Variants in RFC3 observed in about 807,000 individuals in gnomAD.
RFC3 encodes the protein replication factor C subunit 3.
A neutral mutation model predicts 45.1 loss-of-function variants in RFC3; 41 were observed. The observed-to-expected ratio is 0.91, with a 90% CI of 0.71 to 1.18. The LOEUF is 1.18. RFC3 is among the 50% of genes most tolerant of loss of function. The pLI is 0.00. For missense variants in RFC3, 423 were observed against 428.1 expected (o/e 0.99, Z 0.10); for synonymous variants, 149 against 144.0 (o/e 1.03, Z -0.25).
At chr13:33,918,381 G>C (rs1180968019) in intron 8 of RFC3, among the ~76,000 whole-genome samples, 2 of 152,194 alleles carry the variant, frequency 1.3e-5, no homozygotes, top group South Asian at 4.1e-4. Flanking sequence ...ATGGCCCCTG[G>C]CTGGCTGTGG....
intron 8 of RFC3, among the ~76,000 whole-genome samples, chr13:33,941,888 T>C (rs191068447): frequency 1.3e-5 from 2 of 152,302 alleles, no homozygotes; most frequent in Non-Finnish European, 1.5e-5. Flanking sequence ...TTTTAGAATT[T>C]TTAAATATCT....
intron 1 of RFC3, among the ~76,000 whole-genome samples, chr13:33,820,458 T>C (rs1042366665): frequency 3.9e-5 from 6 of 152,238 alleles, no homozygotes; most frequent in African/African-American, 1.4e-4. Flanking sequence ...TTTGGGTGGG[T>C]TAACACTCTG....
At chr13:33,941,102 T>C (rs2082921280) in intron 8 of RFC3, among the ~76,000 whole-genome samples, 1 of 152,036 alleles carries the variant, frequency 6.6e-6, no homozygotes, top group Admixed American at 6.6e-5. Context: ...CTGAGGGAAG[T>C]GGATGGAGCT....
chr13:33,894,228 G>A (rs1047864411), intron 8 of RFC3, among the ~76,000 whole-genome samples: 5 of 152,148 alleles, frequency 3.3e-5, no homozygotes, highest in African/African-American at 1.2e-4. Context: ...ACCTCCACTG[G>A]GTAGCCTGGC....
chr13:33,920,559 G>A (rs1015577713), intron 8 of RFC3, among the ~76,000 whole-genome samples: 7 of 151,064 alleles, frequency 4.6e-5, no homozygotes, highest in Admixed American at 4.0e-4. Context: ...CTCCTAAGTA[G>A]CTGGGACCAC....
chr13:33,842,147 G>A (rs540245660), downstream of RFC3, among the ~76,000 whole-genome samples: 3 of 152,088 alleles, frequency 2.0e-5, no homozygotes, highest in African/African-American at 7.2e-5. Flanking sequence ...AATTAGCTGG[G>A]TGTAGTGGTA....
chr13:33,863,096 G>A (rs2082351739), intron 8 of RFC3, among the ~76,000 whole-genome samples: 1 of 152,208 alleles, frequency 6.6e-6, no homozygotes, highest in African/African-American at 2.4e-5. Context: ...GCATGATTTT[G>A]TACCTAGAAG....
chr13:33,838,760 C>T (rs2082176218), downstream of RFC3, among the ~76,000 whole-genome samples: 1 of 152,132 alleles, frequency 6.6e-6, no homozygotes, highest in Non-Finnish European at 1.5e-5. Context: ...GCTTTTTCTC[C>T]TGTGTACTGT....
intron 8 of RFC3, among the ~76,000 whole-genome samples, chr13:33,871,599 A>G (rs944435686): frequency 6.6e-6 from 1 of 152,174 alleles, no homozygotes; most frequent in African/African-American, 2.4e-5. Context: ...GTAGGGTGAC[A>G]TATTCACAGG....
At chr13:33,843,636 T>C (rs1341339766) in intron 8 of RFC3, among the ~76,000 whole-genome samples, 1 of 152,194 alleles carries the variant, frequency 6.6e-6, no homozygotes, top group Non-Finnish European at 1.5e-5. Context: ...ACAGGCATTC[T>C]CTCATTTAAT....
intron 8 of RFC3, among the ~76,000 whole-genome samples, chr13:33,891,314 A>G (rs761174504): frequency 6.2e-4 from 94 of 152,258 alleles, no homozygotes; most frequent in Admixed American, 1.1e-3. Context: ...CATTCTTTTT[A>G]TTCATATGCA....
chr13:33,884,272 G>C (rs896428137), intron 8 of RFC3, among the ~76,000 whole-genome samples: 1 of 152,154 alleles, frequency 6.6e-6, no homozygotes, highest in African/African-American at 2.4e-5. Context: ...TGGGTTCTGC[G>C]CTGACCAAAG....
intron 7 of RFC3, among the ~76,000 whole-genome samples, chr13:33,833,846 C>T (rs970918693): frequency 6.6e-6 from 1 of 152,058 alleles, no homozygotes; most frequent in East Asian, 1.9e-4. Context: ...GGAAGCCTGA[C>T]CTGTCTGAAC....
At chr13:33,916,840 G>A (rs72621259) in intron 8 of RFC3, among the ~76,000 whole-genome samples, 10,877 of 151,424 alleles carry the variant, frequency 0.072, 640 homozygotes, top group African/African-American at 0.16. Flanking sequence ...GTATGTATGT[G>A]CACTAAATGT....
intron 8 of RFC3, among the ~76,000 whole-genome samples, chr13:33,893,954 T>C (rs1260535099): frequency 6.6e-6 from 1 of 152,028 alleles, no homozygotes; most frequent in Non-Finnish European, 1.5e-5. Flanking sequence ...AGAAAGGTTA[T>C]TGAAAGGAAA....
chr13:33,944,328 G>A (rs762566129), intron 8 of RFC3, among the ~76,000 whole-genome samples: 7 of 152,200 alleles, frequency 4.6e-5, no homozygotes, highest in Non-Finnish European at 8.8e-5. Context: ...AAAGTGAGCA[G>A]CTATGCCATT....
intron 8 of RFC3, among the ~76,000 whole-genome samples, chr13:33,920,039 G>A (rs2082758134): frequency 6.6e-6 from 1 of 152,124 alleles, no homozygotes; most frequent in African/African-American, 2.4e-5. Flanking sequence ...TCCTGCCTAA[G>A]TCTCCCTAAT....
At chr13:33,961,978 G>A (rs374925582) in intron 8 of RFC3, among the ~76,000 whole-genome samples, 43 of 152,308 alleles carry the variant, frequency 2.8e-4, no homozygotes, top group African/African-American at 1.0e-3. Context: ...GGCCACAACT[G>A]TCTTAAAGAA....
At position 33,835,199 on chromosome 13, in the gene RFC3, T is replaced by C. The variant is rs1282581025; in HGVS notation, c.861T>C (p.Pro287=). 1.9e-6 allele frequency: 3 copies of C among 1,609,248 alleles called. No individual in the cohort carries two copies. The highest frequency in any genetic ancestry group is 2.6e-6 in the Non-Finnish European group (3 of 1,175,794). Residue 287 remains proline (P), a synonymous_variant, in exon 8 of 9, where the codon CCT becomes CCC. Transcript: ENST00000380071. ...RLYELLTHCI[P]PEIIMKGLLS... ...ATGAGCTTCTAACTCATTGTATTCC[T>C]CCTGAGATAATAATGAAGGTAACCC... is the stretch of plus-strand genomic sequence containing the variant.
Sources: gnomAD v4.1 joint callset for allele counts (sites outside exome capture counted in the v4.1 genomes callset) on GRCh38, gnomAD v4.1.1 for gene constraint, MANE v1.5 for transcripts, NCBI Gene and HGNC (gene_info 2026-07-23, HGNC 2026-07-21) for gene names.